The following MYO3A variants were observed in gnomAD, a reference collection of about 807,000 sequenced individuals.
MYO3A encodes the protein myosin IIIA, also known as myosin-IIIa.
Under a neutral mutation model 192.7 loss-of-function variants are expected in MYO3A, and 180 were observed. That is an observed-to-expected ratio of 0.93 (90% CI 0.83 to 1.06). The LOEUF is 1.06. Among genes scored for constraint, MYO3A ranks in the 50% least tolerant of loss-of-function variants. The pLI, the probability that MYO3A is intolerant of heterozygous loss-of-function variation, is 0.00. For missense variants in MYO3A, 1,896 were observed against 1,905.0 expected (o/e 1.00, Z 0.09); for synonymous variants, 628 against 645.3 (o/e 0.97, Z 0.41).
At chr10:25,984,536 T>G (rs75306384) in intron 4 of MYO3A, among the ~76,000 whole-genome samples, 14,577 of 152,200 alleles carry the variant, frequency 0.096, 1,240 homozygotes, top group African/African-American at 0.22. Flanking sequence ...CCACACATGG[T>G]GTTTCTTTTT....
chr10:26,122,576 C>T lies in MYO3A; in HGVS notation c.1903+1774C>T, dbSNP rs563034938. ...TCACCTCTCACCTGAACTAAGTGAC[C>T]TCCCAGTTGTTCATTTCACATCAAG... is the stretch of plus-strand genomic sequence containing the variant. On this transcript the variant is annotated intron_variant, in intron 18 of 34. Transcript: ENST00000642920. Among the ~76,000 whole-genome samples, 6 of 152,224 alleles carry T rather than the reference C, an allele frequency of 3.9e-5. No homozygotes were observed. In the East Asian group the frequency reaches 1.2e-3, roughly 29 times the overall value.
At chr10:26,117,332 G>A (rs1838572412) in intron 17 of MYO3A, among the ~76,000 whole-genome samples, 1 of 152,076 alleles carries the variant, frequency 6.6e-6, no homozygotes, top group South Asian at 2.1e-4. Flanking sequence ...TAAAAAAACT[G>A]TTATTTAAGT....
chr10:26,187,881 C>T (rs1007491931), intron 31 of MYO3A, among the ~76,000 whole-genome samples: 2 of 152,040 alleles, frequency 1.3e-5, no homozygotes, highest in African/African-American at 2.4e-5. Context: ...TTTCTTAGTC[C>T]AGTCTATCAT....
intron 10 of MYO3A, among the ~76,000 whole-genome samples, chr10:26,054,198 A>T (rs905827947): frequency 1.3e-5 from 2 of 152,216 alleles, no homozygotes; most frequent in Non-Finnish European, 2.9e-5. Flanking sequence ...GTTATGTTTT[A>T]AAAAGATCAT....
chr10:26,100,264 A>AT, intron 17 of MYO3A, among the ~76,000 whole-genome samples: 3 of 152,092 alleles, frequency 2.0e-5, no homozygotes, highest in African/African-American at 7.2e-5. Flanking sequence ...CCCCTTTATC[A>AT]TTTTTGTTGC....
At chr10:26,178,817 T>TA (rs1842460454) in intron 31 of MYO3A, among the ~76,000 whole-genome samples, 5 of 151,860 alleles carry the variant, frequency 3.3e-5, no homozygotes, top group Non-Finnish European at 7.4e-5. Flanking sequence ...TTTATTTATT[T>TA]TTGAGACAGA....
intron 10 of MYO3A, among the ~76,000 whole-genome samples, chr10:26,047,412 T>G (rs1360959881): frequency 1.3e-5 from 2 of 152,184 alleles, no homozygotes; most frequent in African/African-American, 2.4e-5. Context: ...GTTTTTGTGT[T>G]TTTTCCTTCA....
intron 14 of MYO3A, among the ~76,000 whole-genome samples, chr10:26,078,491 G>A (rs1372689019): frequency 6.6e-6 from 1 of 151,276 alleles, no homozygotes; most frequent in African/African-American, 2.4e-5. Context: ...TTTTTTGTTT[G>A]TTTGTTTCAA....
chr10:26,100,527 C>G (rs552670920), intron 17 of MYO3A, among the ~76,000 whole-genome samples: 4 of 152,120 alleles, frequency 2.6e-5, no homozygotes, highest in Non-Finnish European at 5.9e-5. Flanking sequence ...TTCCTGCTTT[C>G]TTTTGTGGGC....
chr10:26,083,866 G>T (rs1564531703), intron 14 of MYO3A, among the ~76,000 whole-genome samples: 1 of 152,072 alleles, frequency 6.6e-6, no homozygotes, highest in Non-Finnish European at 1.5e-5. Flanking sequence ...TTATATAATT[G>T]TAGGTAGCTC....
intron 2 of MYO3A, among the ~76,000 whole-genome samples, chr10:25,949,024 T>A (rs1837036685): frequency 6.6e-6 from 1 of 152,180 alleles, no homozygotes; most frequent in Non-Finnish European, 1.5e-5. Context: ...TCAGCTCAAA[T>A]CTTTTCCTGA....
At chr10:25,935,357 T>C (rs564879881) in intron 1 of MYO3A, among the ~76,000 whole-genome samples, 1 of 152,214 alleles carries the variant, frequency 6.6e-6, no homozygotes, top group African/African-American at 2.4e-5. Context: ...AGAATGGAAA[T>C]TGGCCATAAG....
chr10:26,090,341 T>C (rs1836624074), intron 15 of MYO3A, among the ~76,000 whole-genome samples: 1 of 152,194 alleles, frequency 6.6e-6, no homozygotes, highest in African/African-American at 2.4e-5. Flanking sequence ...ATAGAAATAA[T>C]ATCATTAATG....
chr10:25,968,540 G>GA lies in MYO3A; in HGVS notation c.303+13538dup, dbSNP rs563300249. 1.8e-3 allele frequency among the ~76,000 whole-genome samples: 277 copies of GA among 152,184 alleles called. 2 individuals carry two copies. The highest frequency in any genetic ancestry group is 2.4e-3 in the Admixed American group (37 of 15,298). On this transcript the variant is annotated intron_variant, in intron 4 of 34. Transcript: ENST00000642920. ...TTTTATACTTGTTGTATCTTTGAAA[G>GA]AAAAAACGCTTTTTAGAACTACAAT...
chr10:26,056,646 T>G (rs1424156468), intron 10 of MYO3A, among the ~76,000 whole-genome samples: 1 of 151,684 alleles, frequency 6.6e-6, no homozygotes, highest in East Asian at 1.9e-4. Flanking sequence ...GGGATGGCAT[T>G]ATTACTGAGA....
rs111430017 is a variant in MYO3A at position 26,026,810 on chromosome 10, T to A, written c.953+278T>A. ...TCCACCTCCCGGGTTCAAGCGATTCTCCTGCCTCAGCCTCCCTAGTAGCTG... is the reference window on the plus strand; with the variant it reads ...TCCACCTCCCGGGTTCAAGCGATTCACCTGCCTCAGCCTCCCTAGTAGCTG... On this transcript the variant is annotated intron_variant, in intron 10 of 34. Coordinates refer to ENST00000642920, the MANE Select transcript of MYO3A (RefSeq NM_017433.5). Among the ~76,000 whole-genome samples the A allele has an allele frequency of 2.9e-3, 439 of 152,264 alleles. 4 individuals carry two copies. The highest frequency in any genetic ancestry group is 0.01 in the African/African-American group (426 of 41,522).
chr10:26,129,362 T>C (rs1281087119), intron 20 of MYO3A, among the ~76,000 whole-genome samples: 1 of 152,216 alleles, frequency 6.6e-6, no homozygotes, highest in African/African-American at 2.4e-5. Flanking sequence ...GTTGTTCAGC[T>C]CTTTTTCATC....
intron 2 of MYO3A, among the ~76,000 whole-genome samples, chr10:25,947,871 G>A (rs925982775): frequency 6.6e-6 from 1 of 152,148 alleles, no homozygotes; most frequent in South Asian, 2.1e-4. Flanking sequence ...GAAAAAACAG[G>A]ACAAACATTT....
intron 26 of MYO3A, among the ~76,000 whole-genome samples, chr10:26,161,425 C>T (rs1024554720): frequency 2.0e-5 from 3 of 152,210 alleles, no homozygotes; most frequent in Non-Finnish European, 4.4e-5. Flanking sequence ...CTTAACTTGG[C>T]TCCATTTTCC....
Sources: allele counts gnomAD v4.1 joint callset (sites outside exome capture counted in the v4.1 genomes callset), GRCh38; gene constraint gnomAD v4.1.1; transcripts MANE v1.5; gene names NCBI Gene and HGNC (gene_info 2026-07-23, HGNC 2026-07-21).